Variants in ATXN1 observed in about 807,000 individuals in gnomAD.
ATXN1 encodes the protein ataxin 1.
In ATXN1, 8 loss-of-function variants were observed where a neutral mutation model predicts 56.4. The ratio of observed to expected loss-of-function variants is 0.14; its 90% CI spans 0.08 to 0.26. The LOEUF (loss-of-function observed/expected upper bound fraction) is 0.26. ATXN1 is among the 10% of genes least tolerant of loss of function. The pLI is 1.00. For synonymous variants in ATXN1, 514 were observed against 494.6 expected (o/e 1.04, Z -0.52); for missense variants, 987 against 1,106.5 (o/e 0.89, Z 1.53).
intron 6 of ATXN1, among the ~76,000 whole-genome samples, chr6:16,411,786 A>T (rs1758805160): frequency 6.6e-6 from 1 of 152,198 alleles, no homozygotes; most frequent in East Asian, 1.9e-4. Context: ...CCCTGTTGAG[A>T]TATACCTTCA....
intron 3 of ATXN1, among the ~76,000 whole-genome samples, chr6:16,589,369 CA>C (rs1035580958): frequency 1.3e-5 from 2 of 150,144 alleles, no homozygotes; most frequent in Admixed American, 1.3e-4. Context: ...TTAACAACAA[CA>C]AAAAAAAGAA....
intron 3 of ATXN1, among the ~76,000 whole-genome samples, chr6:16,641,631 A>C (rs1763707760): frequency 6.6e-6 from 1 of 152,244 alleles, no homozygotes; most frequent in South Asian, 2.1e-4. Context: ...CTCTGATGGA[A>C]ATATACAAGG....
intron 6 of ATXN1, among the ~76,000 whole-genome samples, chr6:16,479,853 T>A (rs60000645): frequency 6.6e-6 from 1 of 152,112 alleles, no homozygotes; most frequent in Non-Finnish European, 1.5e-5. Flanking sequence ...AACTTTTACA[T>A]ATAAAGATCC....
intron 4 of ATXN1, among the ~76,000 whole-genome samples, chr6:16,580,055 TAAAAAA>T (rs902778457): frequency 6.6e-6 from 1 of 151,254 alleles, no homozygotes; most frequent in South Asian, 2.1e-4. Flanking sequence ...TTCTTGCTAA[TAAAAAA>T]AAAGTACTTC....
chr6:16,569,087 T>C (rs1762283276), intron 4 of ATXN1, among the ~76,000 whole-genome samples: 1 of 152,206 alleles, frequency 6.6e-6, no homozygotes, highest in Non-Finnish European at 1.5e-5. Flanking sequence ...AGGGCTTCTA[T>C]CCCACACCTG....
intron 6 of ATXN1, among the ~76,000 whole-genome samples, chr6:16,447,980 G>A (rs189345072): frequency 6.6e-6 from 1 of 152,286 alleles, no homozygotes; most frequent in East Asian, 1.9e-4. Context: ...CCAATGCAGA[G>A]TGTGTGGGTT....
intron 2 of ATXN1, among the ~76,000 whole-genome samples, chr6:16,697,093 C>G (rs1406592643): frequency 6.6e-6 from 1 of 152,170 alleles, no homozygotes; most frequent in Admixed American, 6.5e-5. Context: ...GAGCTAGTAA[C>G]AGAGTGTTAG....
chr6:16,702,858 T>C (rs980723062), intron 2 of ATXN1, among the ~76,000 whole-genome samples: 19 of 152,196 alleles, frequency 1.2e-4, no homozygotes, highest in East Asian at 1.9e-4. Flanking sequence ...TGTGGAGACA[T>C]AGGAACATTT....
intron 2 of ATXN1, among the ~76,000 whole-genome samples, chr6:16,750,323 T>C (rs1359025218): frequency 6.6e-6 from 1 of 152,242 alleles, no homozygotes; most frequent in Non-Finnish European, 1.5e-5. Context: ...GAATGAATCA[T>C]TTCTTTACAT....
chr6:16,674,789 A>G (rs975582527), intron 2 of ATXN1, among the ~76,000 whole-genome samples: 1 of 152,144 alleles, frequency 6.6e-6, no homozygotes. Context: ...TGATGGCAAA[A>G]CAGATGGTTT....
chr6:16,346,656 T>G (rs1425688749), intron 6 of ATXN1, among the ~76,000 whole-genome samples: 1 of 152,240 alleles, frequency 6.6e-6, no homozygotes, highest in Non-Finnish European at 1.5e-5. Context: ...TCTCTCCCTC[T>G]TTTTTGTCGC....
In ATXN1 at chr6:16,377,231, A is replaced by T. The variant is rs374249475; in HGVS notation, c.-160-48761T>A. Among the ~76,000 whole-genome samples, 8 of 152,340 alleles carry T rather than the reference A, an allele frequency of 5.3e-5. No individual in the cohort carries two copies. The East Asian group carries it at 9.6e-4, about 18-fold the overall frequency. On this transcript the variant is annotated intron_variant, in intron 6 of 7. Transcript: ENST00000436367. The stretch of plus-strand genomic sequence containing the variant: ...TGTGAGAAATGTATTTCTGTTGTTT[A>T]TAAGTTTACGGTATTTTGCTTAGCA...
intron 6 of ATXN1, among the ~76,000 whole-genome samples, chr6:16,341,756 T>G (rs1196609524): frequency 6.6e-6 from 1 of 152,014 alleles, no homozygotes; most frequent in Admixed American, 6.5e-5. Flanking sequence ...CCTGACCTCT[T>G]GATCTGCCTG....
intron 4 of ATXN1, among the ~76,000 whole-genome samples, chr6:16,539,606 GC>G (rs1270083619): frequency 6.6e-6 from 1 of 152,086 alleles, no homozygotes; most frequent in Non-Finnish European, 1.5e-5. Context: ...CCATTTGCTT[GC>G]CATCATTTCT....
intron 3 of ATXN1, among the ~76,000 whole-genome samples, chr6:16,587,872 A>G (rs1762654761): frequency 6.6e-6 from 1 of 151,870 alleles, no homozygotes; most frequent in Non-Finnish European, 1.5e-5. Flanking sequence ...CAGAGGTTGC[A>G]GTAAGCTGAG....
intron 6 of ATXN1, among the ~76,000 whole-genome samples, chr6:16,338,479 C>A (rs768764596): frequency 1.3e-5 from 2 of 152,080 alleles, no homozygotes; most frequent in Non-Finnish European, 2.9e-5. Context: ...GGCGACAGAG[C>A]GAGACTCCAT....
rs1484303175 is a variant in ATXN1, at chr6:16,491,287, T to A, written c.-298-5178A>T. On this transcript the variant is annotated intron_variant, in intron 5 of 7. Coordinates refer to ENST00000436367, the MANE Select transcript of ATXN1 (RefSeq NM_001128164.2). ...ATTATTATTATTATTATTTTTTTTT[T>A]TTTTTTTTTTTTTTGATACAAGGTT... 3.0e-3 allele frequency among the ~76,000 whole-genome samples: 384 copies of A among 128,980 alleles called. 1 individual carries two copies. The highest frequency in any genetic ancestry group is 9.8e-3 in the Admixed American group (128 of 13,056). The allele number at this position is 128,980 out of a possible 152,430, so 84.6% of individuals were successfully genotyped here. A position where few individuals can be genotyped will look rare whatever the true frequency, so the allele number is the denominator to read the frequency against.
chr6:16,723,570 C>T (rs1759788920), intron 2 of ATXN1, among the ~76,000 whole-genome samples: 1 of 152,104 alleles, frequency 6.6e-6, no homozygotes, highest in Non-Finnish European at 1.5e-5. Flanking sequence ...CCCTCGTAGG[C>T]TAAATTTCCT....
chr6:16,755,135 C>T (rs1254995779), intron 1 of ATXN1, among the ~76,000 whole-genome samples: 1 of 152,170 alleles, frequency 6.6e-6, no homozygotes, highest in Admixed American at 6.5e-5. Flanking sequence ...CAACCTCCTC[C>T]TAGTTTGCTG....
Sources: allele counts gnomAD v4.1 joint callset (sites outside exome capture counted in the v4.1 genomes callset), GRCh38; gene constraint gnomAD v4.1.1; transcripts MANE v1.5; gene names NCBI Gene and HGNC (gene_info 2026-07-23, HGNC 2026-07-21).